Variants in PDGFD observed in about 807,000 individuals in gnomAD.
PDGFD encodes the protein platelet-derived growth factor D.
Under a neutral mutation model 44.7 loss-of-function variants are expected in PDGFD, and 30 were observed. That is an observed-to-expected ratio of 0.67 (90% confidence interval 0.50 to 0.91). The LOEUF is 0.91. Among genes scored for constraint, PDGFD ranks in the 40% least tolerant of loss-of-function variants. The probability of loss-of-function intolerance (pLI) is 0.00; values close to 1 mark genes in which losing one functional copy is unlikely to be tolerated. For missense variants in PDGFD, 445 were observed against 457.8 expected, an observed-to-expected ratio of 0.97 and a Z score of 0.25; for synonymous variants, 173 against 168.4, an observed-to-expected ratio of 1.03 and a Z score of -0.21.
chr11:104,052,419 A>G (rs544760746), intron 1 of PDGFD, among the ~76,000 whole-genome samples: 40 of 152,280 alleles, frequency 2.6e-4, no homozygotes, highest in African/African-American at 9.4e-4. Context: ...GAAATGAAAA[A>G]TGTTACTGTT....
chr11:103,941,154 T>C (rs1244417484), intron 5 of PDGFD, among the ~76,000 whole-genome samples: 1 of 152,042 alleles, frequency 6.6e-6, no homozygotes, highest in Non-Finnish European at 1.5e-5. Context: ...CCATAAATAA[T>C]ATCAATATAT....
At chr11:104,146,957 G>A (rs1862171042) in intron 1 of PDGFD, among the ~76,000 whole-genome samples, 1 of 150,030 alleles carries the variant, frequency 6.7e-6, no homozygotes, top group South Asian at 2.1e-4. Context: ...TATAATTTCA[G>A]GTAGAAATAA....
chr11:104,040,600 G>A (rs1376888006), intron 1 of PDGFD, among the ~76,000 whole-genome samples: 1 of 151,830 alleles, frequency 6.6e-6, no homozygotes, highest in Non-Finnish European at 1.5e-5. Context: ...GCATATTACT[G>A]CCCTTAATCC....
Position 103,909,416 on chromosome 11 carries a change from A to G in PDGFD, c.*278T>C. ...ACCAAAAAAAACATTTGATCTATAT[A>G]CACATAGACATGAATATATTTCTGT... is the stretch of plus-strand genomic sequence containing the variant. On this transcript the variant is annotated 3_prime_UTR_variant, in exon 7 of 7. Transcript: ENST00000393158. The G allele has an allele frequency of 5.7e-6, 2 of 348,154 alleles. No individual in the cohort carries two copies. Among genetic ancestry groups the G allele is most frequent in the Non-Finnish European group, 1.1e-5 (2 of 186,084 alleles). 21.6% of individuals were successfully genotyped at this position (348,154 alleles called of 1,614,324 possible).
At chr11:103,998,717 T>G (rs1318731224) in intron 2 of PDGFD, among the ~76,000 whole-genome samples, 57 of 152,180 alleles carry the variant, frequency 3.7e-4, no homozygotes, top group Non-Finnish European at 8.8e-5. Flanking sequence ...AAGCTGCAAC[T>G]GACATAGAAC....
At chr11:104,014,200 G>T (rs1859826613) in intron 1 of PDGFD, among the ~76,000 whole-genome samples, 1 of 152,066 alleles carries the variant, frequency 6.6e-6, no homozygotes, top group Admixed American at 6.6e-5. Flanking sequence ...CTTCCTTCAT[G>T]CCTATTCCAC....
chr11:103,939,184 T>C (rs1207723311), intron 5 of PDGFD, among the ~76,000 whole-genome samples: 2 of 152,218 alleles, frequency 1.3e-5, no homozygotes, highest in African/African-American at 4.8e-5. Context: ...TTCCTACCCA[T>C]GAGCATGGAA....
At chr11:104,041,575 T>G (rs1423900529) in intron 1 of PDGFD, among the ~76,000 whole-genome samples, 3 of 152,248 alleles carry the variant, frequency 2.0e-5, no homozygotes, top group South Asian at 4.1e-4. Flanking sequence ...AATAGACCTT[T>G]CCTGTCTCAG....
intron 1 of PDGFD, among the ~76,000 whole-genome samples, chr11:104,096,509 C>T (rs1010429767): frequency 5.9e-5 from 9 of 152,310 alleles, no homozygotes; most frequent in African/African-American, 2.2e-4. Context: ...TCCCTTTCTT[C>T]ATTCAGCAAA....
At chr11:104,010,422 A>T (rs1859765854) in intron 1 of PDGFD, among the ~76,000 whole-genome samples, 1 of 152,106 alleles carries the variant, frequency 6.6e-6, no homozygotes, top group African/African-American at 2.4e-5. Context: ...GAGTGTAATA[A>T]TGCCCAAAGT....
chr11:104,084,790 TA>T (rs1380132958), intron 1 of PDGFD, among the ~76,000 whole-genome samples: 1 of 146,194 alleles, frequency 6.8e-6, no homozygotes, highest in Non-Finnish European at 1.5e-5. Flanking sequence ...TAAAATAATA[TA>T]AAATATATAT....
At chr11:104,000,877 A>G (rs534328382) in intron 1 of PDGFD, among the ~76,000 whole-genome samples, 2 of 152,212 alleles carry the variant, frequency 1.3e-5, no homozygotes, top group Non-Finnish European at 2.9e-5. Flanking sequence ...CCAGATAAAA[A>G]GAATTTATCT....
chr11:104,073,084 G>C (rs988153303), intron 1 of PDGFD, among the ~76,000 whole-genome samples: 1 of 151,750 alleles, frequency 6.6e-6, no homozygotes, highest in African/African-American at 2.4e-5. Flanking sequence ...ATCATGTTTG[G>C]AGAAGCATAA....
intron 1 of PDGFD, among the ~76,000 whole-genome samples, chr11:104,054,645 G>C (rs895632579): frequency 6.6e-6 from 1 of 152,210 alleles, no homozygotes; most frequent in African/African-American, 2.4e-5. Context: ...GAATAGATAG[G>C]AGAGGAGAAA....
rs575525979 is a variant in PDGFD at position 104,067,296 on chromosome 11, T to C, written c.125-67041A>G. On this transcript the variant is annotated intron_variant, in intron 1 of 6. Transcript: ENST00000393158. ...TTTCCCAATTATAGTTTGAAACTCATTTCTTTTCAAACAGTAGATAACTGC... is the reference window on the plus strand; with the variant it reads ...TTTCCCAATTATAGTTTGAAACTCACTTCTTTTCAAACAGTAGATAACTGC... 2.0e-5 allele frequency among the ~76,000 whole-genome samples: 3 copies of C among 152,166 alleles called. No homozygotes were observed. The South Asian group carries it at 6.2e-4, about 32-fold the overall frequency.
chr11:103,977,607 G>C (rs939127401), intron 3 of PDGFD, among the ~76,000 whole-genome samples: 2 of 152,018 alleles, frequency 1.3e-5, no homozygotes, highest in African/African-American at 4.8e-5. Flanking sequence ...ATTATTTGTT[G>C]AATCAGCCAC....
At chr11:103,936,832 T>G (rs981135688) in intron 5 of PDGFD, among the ~76,000 whole-genome samples, 15 of 107,294 alleles carry the variant, frequency 1.4e-4, no homozygotes, top group African/African-American at 8.8e-4. Context: ...TGTTTTTTGT[T>G]TTTTTTTTTT....
intron 5 of PDGFD, among the ~76,000 whole-genome samples, chr11:103,930,870 C>A (rs1203681494): frequency 1.3e-5 from 2 of 152,232 alleles, no homozygotes; most frequent in Non-Finnish European, 2.9e-5. Flanking sequence ...AACCAGGCAG[C>A]TATTCAGAGT....
At chr11:104,138,275 TTAA>T (rs1391727959) in intron 1 of PDGFD, among the ~76,000 whole-genome samples, 2 of 152,140 alleles carry the variant, frequency 1.3e-5, no homozygotes, top group Admixed American at 6.5e-5. Flanking sequence ...TTTTTTTACA[TTAA>T]AAAACTCACT....
Sources: allele counts gnomAD v4.1 joint callset (sites outside exome capture counted in the v4.1 genomes callset), GRCh38; gene constraint gnomAD v4.1.1; transcripts MANE v1.5; gene names NCBI Gene and HGNC (gene_info 2026-07-23, HGNC 2026-07-21).